The following DNAH14 variants were observed in gnomAD, a reference collection of about 807,000 sequenced individuals.
DNAH14 encodes axonemal beta dynein heavy chain 14.
DNAH14 carries 478 observed loss-of-function variants against 520.9 expected under a neutral mutation model. The observed-to-expected ratio is 0.92, with a 90% CI of 0.85 to 0.99. DNAH14 has a LOEUF of 0.99. DNAH14 is among the 50% of genes least tolerant of loss of function. The pLI is 0.00. For missense variants in DNAH14, 4,831 were observed against 5,234.5 expected, an observed-to-expected ratio of 0.92 and a Z score of 2.38; for synonymous variants, 1,581 against 1,757.2, an observed-to-expected ratio of 0.90 and a Z score of 2.51.
Position 225,340,659 on chromosome 1 carries a change from G to A in DNAH14, c.10636G>A (p.Glu3546Lys). 1 of 1,551,272 alleles carries A rather than the reference G, an allele frequency of 6.4e-7. No homozygotes were observed. The highest frequency in any genetic ancestry group is 8.7e-7 in the Non-Finnish European group (1 of 1,146,816). The change falls in exon 69 of 86, where the codon GAA (glutamate) becomes AAA (lysine). Residue 3546 changes from glutamate (E) to lysine (K), a missense_variant. Physicochemically the swap from Glu to Lys is moderately conservative, Grantham distance 56. Transcript: ENST00000682510. ...SISLDAITLE[E>K]LEEKTLNLLQ... ...TTCCCTTGATGCCATAACTCTTGAA[G>A]AACTAGAGGAAAAAACATTAAATTT...
At chr1:225,107,357 A>G (rs2076147349) in intron 23 of DNAH14, among the ~76,000 whole-genome samples, 1 of 152,170 alleles carries the variant, frequency 6.6e-6, no homozygotes, top group African/African-American at 2.4e-5. Context: ...CCATTCTCAG[A>G]TCTCCAGCTG....
At chr1:225,363,391 TTTTA>T (rs1186782846) in intron 75 of DNAH14, among the ~76,000 whole-genome samples, 1 of 152,206 alleles carries the variant, frequency 6.6e-6, no homozygotes, top group Non-Finnish European at 1.5e-5. Context: ...CTGATAAGTA[TTTTA>T]TTTGTTTGTT....
chr1:224,967,982 G>A (rs2061292423), intron 6 of DNAH14: 5 of 1,035,436 alleles, frequency 4.8e-6, no homozygotes, highest in Non-Finnish European at 4.7e-6. Flanking sequence ...CTCTTATATA[G>A]CATTTTGATA....
Position 224,952,654 on chromosome 1 carries a change from G to A in DNAH14, c.-33-16G>A. 1 of 1,340,130 alleles carries A rather than the reference G, an allele frequency of 7.5e-7. No individual in the cohort carries two copies. The highest frequency in any genetic ancestry group is 1.0e-6 in the Non-Finnish European group (1 of 986,178). The allele number at this position is 1,340,130 out of a possible 1,614,324, so 83.0% of individuals were successfully genotyped here. A position where few individuals can be genotyped will look rare whatever the true frequency, so the allele number is the denominator to read the frequency against. ...TGTATTGTATATTAAATATAATAAT[G>A]TGAATTTTGTTACAGCCAGTTCCTT... On this transcript the variant is annotated splice_polypyrimidine_tract_variant and intron_variant, in intron 1 of 85. Coordinates refer to ENST00000682510, the MANE Select transcript of DNAH14 (RefSeq NM_001367479.1).
At chr1:224,944,906 C>T (rs1249299203) in intron 1 of DNAH14, among the ~76,000 whole-genome samples, 1 of 152,230 alleles carries the variant, frequency 6.6e-6, no homozygotes, top group Non-Finnish European at 1.5e-5. Context: ...CCCTACCTTT[C>T]TCTCTGGCTG....
chr1:225,380,054 A>T, intron 79 of DNAH14, 105 bp from the exon 80 acceptor site: 2 of 1,239,036 alleles, frequency 1.6e-6, no homozygotes, highest in Non-Finnish European at 2.2e-6. Context: ...AGAACACTAA[A>T]CATATTCCTC....
intron 70 of DNAH14, 27 bp downstream of exon 70, chr1:225,346,407 A>G (rs2095286482): frequency 6.5e-7 from 1 of 1,527,502 alleles, no homozygotes; most frequent in South Asian, 1.3e-5. Context: ...TGTGAATTTT[A>G]CATGCTTATT....
chr1:225,090,568 A>G (rs980799969), intron 21 of DNAH14, among the ~76,000 whole-genome samples: 1 of 152,154 alleles, frequency 6.6e-6, no homozygotes, highest in African/African-American at 2.4e-5. Context: ...ATAGACCCAC[A>G]TACGTATGGA....
chr1:225,045,753 A>G (rs1299557979), intron 15 of DNAH14, among the ~76,000 whole-genome samples: 8 of 152,118 alleles, frequency 5.3e-5, no homozygotes, highest in African/African-American at 1.4e-4. Context: ...GGTGCTGCTC[A>G]CCATGACCAC....
At chr1:225,001,703 G>T (rs994441684) in intron 8 of DNAH14, among the ~76,000 whole-genome samples, 1 of 152,142 alleles carries the variant, frequency 6.6e-6, no homozygotes, top group East Asian at 1.9e-4. Flanking sequence ...ACTGAATAAT[G>T]TGAGTTTATT....
intron 60 of DNAH14, among the ~76,000 whole-genome samples, chr1:225,313,664 T>C (rs1004071507): frequency 2.0e-5 from 3 of 152,122 alleles, no homozygotes; most frequent in African/African-American, 7.2e-5. Context: ...TGGTTTCAAA[T>C]AACTTATTTA....
chr1:225,100,683 AT>A (rs1435633054), intron 22 of DNAH14, 29 bp from the exon 23 acceptor site: 2 of 1,462,924 alleles, frequency 1.4e-6, no homozygotes, highest in South Asian at 1.5e-5. Flanking sequence ...CTTAAAAAAA[AT>A]AAAATGACAT....
At chr1:225,085,479 C>T in intron 20 of DNAH14, 65 bp from the exon 21 acceptor site, 1 of 1,374,802 alleles carries the variant, frequency 7.3e-7, no homozygotes, top group South Asian at 1.5e-5. Context: ...TTTAAAATTT[C>T]CATTTTGGAC....
chr1:225,042,844 A>C lies in DNAH14; in HGVS notation c.1498A>C (p.Ser500Arg), dbSNP rs2067601750. 6.5e-7 allele frequency: 1 copy of C among 1,547,594 alleles called. No homozygotes were observed. Among genetic ancestry groups the C allele is most frequent in the Middle Eastern group, 1.7e-4 (1 of 5,966 alleles). Reference sequence around the variant, plus strand: ...TTATCCGTTAAATTAGATTTTGAATAGTGTTGAAGTGGGGAAGGATTTGAG... The same window carrying C: ...TTATCCGTTAAATTAGATTTTGAATCGTGTTGAAGTGGGGAAGGATTTGAG... The part of the protein sequence containing the change: ...TDTDINEILN[S>R]VEVGKDLRKT... The change falls in exon 13 of 86, where the codon AGT becomes CGT. Residue 500 changes from serine to arginine, a missense_variant. Physicochemically the swap from Ser to Arg is moderately radical, Grantham distance 110. Coordinates refer to ENST00000682510, the MANE Select transcript of DNAH14 (RefSeq NM_001367479.1).
chr1:225,027,643 A>G (rs1027159177), intron 11 of DNAH14, among the ~76,000 whole-genome samples: 1 of 152,006 alleles, frequency 6.6e-6, no homozygotes, highest in African/African-American at 2.4e-5. Flanking sequence ...GGGAGGTGCT[A>G]TACACTCTTT....
At position 225,067,501 on chromosome 1, in the gene DNAH14, C is replaced by T. The variant is rs189111288; in HGVS notation, c.2425-11706C>T. 5.7e-3 allele frequency among the ~76,000 whole-genome samples: 862 copies of T among 152,186 alleles called. 7 individuals are homozygous for T. The highest frequency in any genetic ancestry group is 7.7e-3 in the Non-Finnish European group (521 of 67,996). On this transcript the variant is annotated intron_variant, in intron 17 of 85. Coordinates refer to ENST00000682510, the MANE Select transcript of DNAH14 (RefSeq NM_001367479.1). ...ATACCCAGTAATGGCATTGCTGGGT[C>T]AAATGGTAGTTTCATCTTTAGGTCT...
intron 44 of DNAH14, among the ~76,000 whole-genome samples, chr1:225,254,053 A>G (rs902456228): frequency 8.5e-5 from 13 of 152,164 alleles, no homozygotes; most frequent in African/African-American, 3.1e-4. Flanking sequence ...AAAGGAATGT[A>G]CACATGTTCT....
At chr1:225,059,541 C>T (rs1361109938) in intron 17 of DNAH14, among the ~76,000 whole-genome samples, 4 of 152,128 alleles carry the variant, frequency 2.6e-5, no homozygotes, top group African/African-American at 9.6e-5. Context: ...AGGTTAATAT[C>T]GTTATGTGTG....
Position 224,962,486 on chromosome 1 carries a change from T to C in DNAH14, c.368-1993T>C, listed in dbSNP as rs544085052. Among the ~76,000 whole-genome samples, 26 of 152,234 alleles carry C rather than the reference T, an allele frequency of 1.7e-4. No individual in the cohort carries two copies. In the South Asian group the frequency reaches 3.5e-3, roughly 21 times the overall value. ...GAACCCTAAAGCTAGCTGAGAACTG[T>C]ACCCAGCCAACTACCAAGAAAATGG... On this transcript the variant is annotated intron_variant, in intron 4 of 85. Transcript: ENST00000682510.
Sources: allele counts gnomAD v4.1 joint callset (sites outside exome capture counted in the v4.1 genomes callset), GRCh38; gene constraint gnomAD v4.1.1; transcripts MANE v1.5; gene names NCBI Gene and HGNC (gene_info 2026-07-23, HGNC 2026-07-21).